PCDH11X: variants seen among roughly 807,000 people sequenced by gnomAD.
PCDH11X encodes protocadherin 11 X-linked.
PCDH11X carries 18 observed loss-of-function variants against 53.3 expected under a neutral mutation model. The observed-to-expected ratio is 0.34, with a 90% confidence interval of 0.23 to 0.50. PCDH11X has a LOEUF of 0.50. PCDH11X is among the 20% of genes least tolerant of loss of function. PCDH11X has a pLI of 0.98. For synonymous variants in PCDH11X, 279 were observed against 393.3 expected, an observed-to-expected ratio of 0.71 and a Z score of 3.44; for missense variants, 570 against 1,032.4, an observed-to-expected ratio of 0.55 and a Z score of 6.14.
chrX:91,835,628 G>T lies in PCDH11X; in HGVS notation c.124G>T (p.Asp42Tyr), dbSNP rs34218816. ...EEMPENVLIG[D>Y]LLKDLNLSLI... is the part of the protein sequence containing the mutation. ...AATGCCAGAAAACGTCCTGATAGGC[G>T]ACTTGTTGAAAGACCTTAACTTGTC... Residue 42 changes from aspartate (D) to tyrosine (Y), a missense_variant, in exon 5 of 11, where the codon GAC (aspartate) becomes TAC (tyrosine). Coordinates refer to ENST00000682573, the MANE Select transcript of PCDH11X (RefSeq NM_032968.5). 1 of 1,210,893 alleles carries T rather than the reference G, an allele frequency of 8.3e-7. No individual in the cohort carries two copies. The highest frequency in any genetic ancestry group is 1.1e-6 in the Non-Finnish European group (1 of 895,326).
chrX:91,819,111 G>T (rs1304452314), intron 4 of PCDH11X, among the ~76,000 whole-genome samples: 1 of 110,860 alleles, frequency 9.0e-6, no homozygotes, highest in African/African-American at 3.3e-5. Flanking sequence ...AAGTGGGGTT[G>T]CATTTCATTC....
At chrX:92,134,006 C>A (rs1028846230) in intron 6 of PCDH11X, among the ~76,000 whole-genome samples, 8 of 111,534 alleles carry the variant, frequency 7.2e-5, no homozygotes, top group Non-Finnish European at 1.1e-4. Context: ...GGTGGGACAA[C>A]TTGAAGTGGG....
chrX:92,171,797 C>T (rs2065829953), intron 6 of PCDH11X, among the ~76,000 whole-genome samples: 1 of 110,818 alleles, frequency 9.0e-6, no homozygotes, highest in African/African-American at 3.3e-5. Flanking sequence ...TCAATCTGTA[C>T]GTAAGTTTGA....
chrX:92,585,440 C>T (rs1474781938), intron 10 of PCDH11X, among the ~76,000 whole-genome samples: 4 of 103,693 alleles, frequency 3.9e-5, no homozygotes, highest in Non-Finnish European at 5.9e-5. Flanking sequence ...GGTGCTATCT[C>T]GGCTCACTGC....
chrX:91,991,858 C>G (rs748579765), intron 6 of PCDH11X, among the ~76,000 whole-genome samples: 1 of 108,724 alleles, frequency 9.2e-6, no homozygotes, highest in East Asian at 2.9e-4. Flanking sequence ...CTCTGTTTGA[C>G]CTGTATCCGT....
chrX:92,558,533 AT>A (rs1043372009), intron 10 of PCDH11X, among the ~76,000 whole-genome samples: 9 of 111,738 alleles, frequency 8.1e-5, no homozygotes, highest in Non-Finnish European at 1.5e-4. Context: ...AAGAAAAAAA[AT>A]AAGGTCATCC....
chrX:92,422,912 G>A (rs2072007152), intron 9 of PCDH11X, among the ~76,000 whole-genome samples: 1 of 108,714 alleles, frequency 9.2e-6, no homozygotes, highest in Non-Finnish European at 1.9e-5. Flanking sequence ...GCAGTGGCAC[G>A]ATATCGGCTC....
intron 6 of PCDH11X, among the ~76,000 whole-genome samples, chrX:91,899,431 C>A (rs1292774474): frequency 1.8e-5 from 2 of 111,007 alleles, no homozygotes; most frequent in East Asian, 5.7e-4. Flanking sequence ...AGTCCACTGA[C>A]TCAAATGTTA....
intron 7 of PCDH11X, among the ~76,000 whole-genome samples, chrX:92,221,278 A>AACACACACACAC (rs58264678): frequency 1.1e-5 from 1 of 88,037 alleles, no homozygotes; most frequent in African/African-American, 4.3e-5. Context: ...CATTGTATAC[A>AACACACACACAC]ACACACACAC....
intron 6 of PCDH11X, among the ~76,000 whole-genome samples, chrX:92,178,859 C>G (rs927669158): frequency 1.8e-5 from 2 of 111,162 alleles, no homozygotes; most frequent in Non-Finnish European, 3.8e-5. Context: ...TGTTTCAAAT[C>G]TAGTTCAGAG....
chrX:91,883,141 A>C, intron 6 of PCDH11X: 2 of 983,981 alleles, frequency 2.0e-6, no homozygotes, highest in Non-Finnish European at 2.6e-6. Flanking sequence ...TGGAAATTTA[A>C]AATTTATGGA....
chrX:92,200,556 G>A (rs2066371952), intron 6 of PCDH11X, among the ~76,000 whole-genome samples: 1 of 112,348 alleles, frequency 8.9e-6, no homozygotes, highest in Non-Finnish European at 1.9e-5. Flanking sequence ...ACTTGGTATT[G>A]CTTCCTTACA....
chrX:92,390,371 G>A (rs1438250872), intron 9 of PCDH11X, among the ~76,000 whole-genome samples: 1 of 11,656 alleles, frequency 8.6e-5, no homozygotes, highest in Non-Finnish European at 2.2e-4. Flanking sequence ...AACATAGTAC[G>A]TGTGTGTGTG....
intron 6 of PCDH11X, among the ~76,000 whole-genome samples, chrX:91,922,531 G>A (rs35647497): frequency 9.0e-6 from 1 of 111,713 alleles, no homozygotes; most frequent in Non-Finnish European, 1.9e-5. Flanking sequence ...ATGAAGCTTC[G>A]TCTGTATTTA....
At chrX:92,017,666 C>T (rs1219501422) in intron 6 of PCDH11X, among the ~76,000 whole-genome samples, 5 of 100,489 alleles carry the variant, frequency 5.0e-5, no homozygotes, top group South Asian at 5.0e-4. Flanking sequence ...GATGGTGCCA[C>T]GGCACTCCAG....
At chrX:92,076,527 C>T (rs915106110) in intron 6 of PCDH11X, among the ~76,000 whole-genome samples, 12 of 110,531 alleles carry the variant, frequency 1.1e-4, no homozygotes, top group African/African-American at 3.0e-4. Context: ...GTAGAATAGA[C>T]GTGTTAAATG....
rs1355035665 is a variant in PCDH11X at position 92,388,017 on chromosome X, C to A, written c.3343+84C>A. ...GCTATCATAGCCATAATAACATGGG[C>A]TAATTCATTATGTTATTGTGAATAG... On this transcript the variant is annotated intron_variant, in intron 9 of 10. Coordinates refer to ENST00000682573, the MANE Select transcript of PCDH11X (RefSeq NM_032968.5). The A allele has an allele frequency of 2.5e-6, 3 of 1,183,731 alleles. No individual in the cohort carries two copies. The East Asian group carries it at 9.0e-5, about 35-fold the overall frequency.
Position 92,163,187 on chromosome X carries a change from C to A in PCDH11X, c.3034-38188C>A, listed in dbSNP as rs1164555404. Among the ~76,000 whole-genome samples the A allele has an allele frequency of 2.7e-5, 3 of 109,992 alleles. No individual in the cohort carries two copies. The East Asian group carries it at 8.7e-4, about 32-fold the overall frequency. On this transcript the variant is annotated intron_variant, in intron 6 of 10. Coordinates refer to ENST00000682573, the MANE Select transcript of PCDH11X (RefSeq NM_032968.5). ...AGGCCTGTCTCACTCCCACCGTGCC[C>A]CCCGCCAAAACAGTGCTGAGTTTGT...
intron 6 of PCDH11X, among the ~76,000 whole-genome samples, chrX:92,150,911 T>C (rs2065420661): frequency 9.0e-6 from 1 of 110,863 alleles, no homozygotes; most frequent in Non-Finnish European, 1.9e-5. Context: ...ATTATTGTAA[T>C]TGTTTTGTGG....
Sources: allele counts gnomAD v4.1 joint callset (sites outside exome capture counted in the v4.1 genomes callset), GRCh38; gene constraint gnomAD v4.1.1; transcripts MANE v1.5; gene names NCBI Gene and HGNC (gene_info 2026-07-23, HGNC 2026-07-21).